MSH4: variants seen among roughly 807,000 people sequenced by gnomAD.
MSH4 encodes mutS homolog 4.
MSH4 carries 106 observed loss-of-function variants against 113.7 expected under a neutral mutation model. The ratio of observed to expected loss-of-function variants is 0.93; its 90% CI spans 0.80 to 1.10. MSH4 has a LOEUF of 1.10. MSH4 is among the 50% of genes least tolerant of loss of function. The pLI is 0.00. For synonymous variants in MSH4, 368 were observed against 380.2 expected, an observed-to-expected ratio of 0.97 and a Z score of 0.37; for missense variants, 1,061 against 1,093.7, an observed-to-expected ratio of 0.97 and a Z score of 0.42.
rs533539307 is a variant in MSH4, at chr1:75,875,836, G to C, written c.1306-1100G>C. ...CTGTTAAGTACTTATGGGTAAATAAGTGTTAAAAAATGATTGCTTATTGGT... is the reference window on the plus strand; with the variant it reads ...CTGTTAAGTACTTATGGGTAAATAACTGTTAAAAAATGATTGCTTATTGGT... On this transcript the variant is annotated intron_variant, in intron 9 of 19. Transcript: ENST00000263187. Among the ~76,000 whole-genome samples, 34 of 151,968 alleles carry C rather than the reference G, an allele frequency of 2.2e-4. No homozygotes were observed. The South Asian group carries it at 6.9e-3, about 31-fold the overall frequency.
intron 7 of MSH4, among the ~76,000 whole-genome samples, chr1:75,829,236 G>A (rs1046111136): frequency 6.6e-6 from 1 of 152,204 alleles, no homozygotes; most frequent in Non-Finnish European, 1.5e-5. Context: ...GAGGCTGGGG[G>A]ATGGGCATCT....
At chr1:75,893,050 T>A (rs1400173799) in intron 17 of MSH4, among the ~76,000 whole-genome samples, 1 of 152,210 alleles carries the variant, frequency 6.6e-6, no homozygotes, top group Admixed American at 6.5e-5. Context: ...TCTGTGACAG[T>A]GGCTGTAGAC....
chr1:75,876,919 AT>A lies in MSH4; in HGVS notation c.1306-13del. On this transcript the variant is annotated splice_polypyrimidine_tract_variant and intron_variant, in intron 9 of 19. Coordinates refer to ENST00000263187, the MANE Select transcript of MSH4 (RefSeq NM_002440.4). ...GTAATTGATTATCCTTAACTTTTTTATTTTATTCTTTAATAGATTGCTATGA... is the reference window on the plus strand; with the variant it reads ...GTAATTGATTATCCTTAACTTTTTTATTTATTCTTTAATAGATTGCTATGA... The A allele has an allele frequency of 7.0e-7, 1 of 1,425,516 alleles. No homozygotes were observed. Among genetic ancestry groups the A allele is most frequent in the Non-Finnish European group, 9.5e-7 (1 of 1,053,660 alleles). The allele number at this position is 1,425,516 out of a possible 1,614,324, so 88.3% of individuals were successfully genotyped here.
chr1:75,835,440 A>G (rs1250429570), intron 7 of MSH4, among the ~76,000 whole-genome samples: 1 of 152,198 alleles, frequency 6.6e-6, no homozygotes, highest in Non-Finnish European at 1.5e-5. Flanking sequence ...AGTGCCAAGA[A>G]TATGAAAAGT....
rs549439021 is a variant in MSH4 at position 75,869,792 on chromosome 1, C to T, written c.1305+2204C>T. Among the ~76,000 whole-genome samples the T allele has an allele frequency of 5.3e-5, 8 of 152,322 alleles. No homozygotes were observed. The East Asian group carries it at 7.7e-4, about 15-fold the overall frequency. On this transcript the variant is annotated intron_variant, in intron 9 of 19. Coordinates refer to ENST00000263187, the MANE Select transcript of MSH4 (RefSeq NM_002440.4). ...TCCAGGCAGAAGTCTTCTTCAGGGA[C>T]GGGACCCTCATGGAGAGCCTCTGTT...
intron 8 of MSH4, among the ~76,000 whole-genome samples, chr1:75,865,151 C>T (rs1651536536): frequency 6.6e-6 from 1 of 152,062 alleles, no homozygotes; most frequent in African/African-American, 2.4e-5. Context: ...TCCCCACTCC[C>T]TTGCTTGTTT....
chr1:75,830,071 A>G (rs1650648105), intron 7 of MSH4, among the ~76,000 whole-genome samples: 1 of 152,134 alleles, frequency 6.6e-6, no homozygotes. Context: ...TAACTAGAAC[A>G]AACATTGTAG....
In MSH4 at chr1:75,867,513, G is replaced by A. The variant is rs1651613350; in HGVS notation, c.1231-1G>A. The A allele has an allele frequency of 6.3e-7, 1 of 1,577,622 alleles. No individual in the cohort carries two copies. Among genetic ancestry groups the A allele is most frequent in the Non-Finnish European group, 8.6e-7 (1 of 1,158,300 alleles). Reference sequence around the variant, plus strand: ...CCAAATTTGGGTTTTTATCTTAACAGGTCAATGCTGCTGAATCAAAGATAA... The same window carrying A: ...CCAAATTTGGGTTTTTATCTTAACAAGTCAATGCTGCTGAATCAAAGATAA... On this transcript the variant is annotated splice_acceptor_variant, in intron 8 of 19. Transcript: ENST00000263187. LOFTEE classifies it high-confidence loss of function.
At chr1:75,873,508 G>A (rs924025933) in intron 9 of MSH4, among the ~76,000 whole-genome samples, 3 of 151,616 alleles carry the variant, frequency 2.0e-5, no homozygotes, top group South Asian at 2.1e-4. Flanking sequence ...TTTCACCACC[G>A]AGTTACTAAG....
At chr1:75,846,168 G>T (rs1213892016) in intron 7 of MSH4, among the ~76,000 whole-genome samples, 1 of 152,014 alleles carries the variant, frequency 6.6e-6, no homozygotes, top group Admixed American at 6.6e-5. Flanking sequence ...TGCCCTCAAG[G>T]TCCTAGCTTC....
chr1:75,903,752 T>C (rs1389274121), intron 19 of MSH4, among the ~76,000 whole-genome samples: 2 of 152,088 alleles, frequency 1.3e-5, no homozygotes, highest in Non-Finnish European at 2.9e-5. Flanking sequence ...CAAATGTCAC[T>C]GATTTTTATA....
chr1:75,811,397 C>T (rs1473618437), intron 4 of MSH4, among the ~76,000 whole-genome samples: 2 of 152,122 alleles, frequency 1.3e-5, no homozygotes, highest in African/African-American at 4.8e-5. Context: ...GGAAGTTTCT[C>T]AGATATACAA....
intron 1 of MSH4, among the ~76,000 whole-genome samples, chr1:75,803,190 A>G (rs1201040712): frequency 1.3e-5 from 2 of 152,244 alleles, no homozygotes; most frequent in African/African-American, 4.8e-5. Context: ...TTATGATTTT[A>G]GCCAGAGTAG....
chr1:75,845,301 T>G (rs1349963745), intron 7 of MSH4, among the ~76,000 whole-genome samples: 2 of 152,202 alleles, frequency 1.3e-5, no homozygotes, highest in African/African-American at 4.8e-5. Flanking sequence ...GTCCAGAATC[T>G]CATCTGAATC....
chr1:75,865,580 T>C (rs5745426), intron 8 of MSH4, among the ~76,000 whole-genome samples: 39,548 of 152,050 alleles, frequency 0.26, 6,544 homozygotes, highest in East Asian at 0.68. Flanking sequence ...GGTAGGGAAG[T>C]CACCTGTTGG....
Position 75,796,961 on chromosome 1 carries a change from C to A in MSH4, c.-25C>A, listed in dbSNP as rs764664922. ...GGGGTCGCTCAGAAACCTCATACTT[C>A]TCGGGTCAGGGAAGGTTTGGGAGGA... On this transcript the variant is annotated 5_prime_UTR_variant, in exon 1 of 20. Coordinates refer to ENST00000263187, the MANE Select transcript of MSH4 (RefSeq NM_002440.4). 10 of 1,612,876 alleles carry A rather than the reference C, an allele frequency of 6.2e-6. No individual in the cohort carries two copies. The highest frequency in any genetic ancestry group is 8.5e-6 in the Non-Finnish European group (10 of 1,179,470).
chr1:75,804,997 TTGTA>T (rs1246991183), intron 2 of MSH4, among the ~76,000 whole-genome samples: 1 of 151,460 alleles, frequency 6.6e-6, no homozygotes, highest in African/African-American at 2.4e-5. Context: ...CTGGCTAATT[TTGTA>T]TTTTTAGTAG....
At chr1:75,832,032 C>T (rs1035809409) in intron 7 of MSH4, among the ~76,000 whole-genome samples, 3 of 151,942 alleles carry the variant, frequency 2.0e-5, no homozygotes, top group African/African-American at 4.8e-5. Flanking sequence ...AATTGATAGA[C>T]CACTAGCAAG....
intron 4 of MSH4, among the ~76,000 whole-genome samples, chr1:75,813,091 G>A (rs1326272287): frequency 6.6e-6 from 1 of 152,094 alleles, no homozygotes; most frequent in African/African-American, 2.4e-5. Flanking sequence ...GATTGCTAAT[G>A]GCTCAAGGCT....
Sources: allele counts gnomAD v4.1 joint callset (sites outside exome capture counted in the v4.1 genomes callset), GRCh38; gene constraint gnomAD v4.1.1; transcripts MANE v1.5; gene names NCBI Gene and HGNC (gene_info 2026-07-23, HGNC 2026-07-21).